Variants in CADM2 observed in about 807,000 individuals in gnomAD.
The protein encoded by CADM2 is cell adhesion molecule 2.
A neutral mutation model predicts 49.8 loss-of-function variants in CADM2; 12 were observed. The ratio of observed to expected loss-of-function variants is 0.24; its 90% confidence interval spans 0.15 to 0.39. CADM2 has a LOEUF of 0.39. CADM2 is among the 10% of genes least tolerant of loss of function. The pLI is 1.00. For missense variants in CADM2, 378 were observed against 492.3 expected, an observed-to-expected ratio of 0.77 and a Z score of 2.20; for synonymous variants, 214 against 175.4, an observed-to-expected ratio of 1.22 and a Z score of -1.74.
intron 1 of CADM2, among the ~76,000 whole-genome samples, chr3:85,311,777 A>G (rs966528428): frequency 6.6e-6 from 1 of 152,216 alleles, no homozygotes; most frequent in African/African-American, 2.4e-5. Context: ...CAAATCTCAC[A>G]ACAAAACAAG....
intron 1 of CADM2, among the ~76,000 whole-genome samples, chr3:85,065,882 A>G (rs1168690159): frequency 6.6e-6 from 1 of 152,118 alleles, no homozygotes; most frequent in African/African-American, 2.4e-5. Context: ...TTCAACAATA[A>G]CTTTCTTTAC....
chr3:85,306,803 A>C (rs1294312622), intron 1 of CADM2, among the ~76,000 whole-genome samples: 1 of 151,762 alleles, frequency 6.6e-6, no homozygotes, highest in Non-Finnish European at 1.5e-5. Flanking sequence ...TACACACACA[A>C]GGTGTTTATT....
chr3:85,114,759 T>A (rs1457684434), intron 1 of CADM2, among the ~76,000 whole-genome samples: 1 of 152,206 alleles, frequency 6.6e-6, no homozygotes, highest in Non-Finnish European at 1.5e-5. Flanking sequence ...AGTTTCATGA[T>A]ATGTGAAATC....
At chr3:86,012,382 G>A (rs747906220) in intron 8 of CADM2, among the ~76,000 whole-genome samples, 4 of 152,116 alleles carry the variant, frequency 2.6e-5, no homozygotes, top group Non-Finnish European at 5.9e-5. Context: ...TTGTCTTGTT[G>A]TCATGGTCAC....
At chr3:85,679,949 A>C (rs1277632572) in intron 1 of CADM2, among the ~76,000 whole-genome samples, 2 of 152,160 alleles carry the variant, frequency 1.3e-5, no homozygotes. Context: ...TTTATAACAC[A>C]CTGAATTATC....
chr3:85,916,764 T>C (rs1316031729), intron 6 of CADM2, among the ~76,000 whole-genome samples: 1 of 152,030 alleles, frequency 6.6e-6, no homozygotes, highest in Non-Finnish European at 1.5e-5. Context: ...TCCACAATGG[T>C]TGAACTAGTT....
At chr3:85,657,119 T>G (rs1302004319) in intron 1 of CADM2, among the ~76,000 whole-genome samples, 5 of 152,186 alleles carry the variant, frequency 3.3e-5, no homozygotes, top group Non-Finnish European at 7.4e-5. Flanking sequence ...TTTCTAAACT[T>G]TTAGCTAGCT....
At chr3:85,929,514 A>AAAAGT (rs1182951243) in intron 6 of CADM2, among the ~76,000 whole-genome samples, 2 of 152,180 alleles carry the variant, frequency 1.3e-5, no homozygotes, top group East Asian at 3.9e-4. Context: ...TGGGTCAGTA[A>AAAAGT]AAAGTGGAGT....
chr3:86,017,166 G>GTA (rs1210773331), intron 8 of CADM2, among the ~76,000 whole-genome samples: 3 of 105,116 alleles, frequency 2.9e-5, no homozygotes, highest in Non-Finnish European at 5.1e-5. Context: ...GTGTGTGTGT[G>GTA]TGTATATATA....
At chr3:85,767,640 G>A (rs1255278390) in intron 2 of CADM2, among the ~76,000 whole-genome samples, 5 of 151,890 alleles carry the variant, frequency 3.3e-5, no homozygotes, top group South Asian at 2.1e-4. Context: ...CTCCAACCAC[G>A]ACCTTCTGGC....
At chr3:85,170,022 T>C (rs1383986351) in intron 1 of CADM2, among the ~76,000 whole-genome samples, 1 of 152,150 alleles carries the variant, frequency 6.6e-6, no homozygotes, top group Non-Finnish European at 1.5e-5. Context: ...TGGTGTGGTA[T>C]GATTGTCACA....
At chr3:85,327,589 C>CACACACACACCA (rs1553709186) in intron 1 of CADM2, among the ~76,000 whole-genome samples, 1 of 115,214 alleles carries the variant, frequency 8.7e-6, no homozygotes, top group Non-Finnish European at 2.0e-5. Context: ...CACACACACA[C>CACACACACACCA]CACACACACA....
At chr3:85,219,050 C>T (rs2107788068) in intron 1 of CADM2, among the ~76,000 whole-genome samples, 1 of 152,172 alleles carries the variant, frequency 6.6e-6, no homozygotes, top group Admixed American at 6.5e-5. Context: ...AACTTGAAGA[C>T]TTATCTCAAC....
intron 6 of CADM2, among the ~76,000 whole-genome samples, chr3:85,918,324 T>A (rs1166230574): frequency 6.6e-6 from 1 of 152,182 alleles, no homozygotes; most frequent in Non-Finnish European, 1.5e-5. Flanking sequence ...TTGAGATATG[T>A]CCTATCAACA....
intron 1 of CADM2, among the ~76,000 whole-genome samples, chr3:85,368,285 T>G (rs1333001774): frequency 6.6e-6 from 1 of 152,010 alleles, no homozygotes; most frequent in East Asian, 1.9e-4. Flanking sequence ...AATTTTATCT[T>G]CAACAATAGT....
intron 1 of CADM2, among the ~76,000 whole-genome samples, chr3:85,259,485 A>G (rs1430127573): frequency 6.6e-6 from 1 of 151,928 alleles, no homozygotes; most frequent in African/African-American, 2.4e-5. Flanking sequence ...ACTGTAATTT[A>G]TTTTCTGTAA....
chr3:85,889,516 A>G (rs1026057302), intron 5 of CADM2, among the ~76,000 whole-genome samples: 2 of 152,172 alleles, frequency 1.3e-5, no homozygotes, highest in African/African-American at 4.8e-5. Flanking sequence ...CTTTGGTATG[A>G]AAAATATAAA....
intron 2 of CADM2, among the ~76,000 whole-genome samples, chr3:85,745,154 A>C (rs2068563135): frequency 6.6e-6 from 1 of 152,208 alleles, no homozygotes; most frequent in Non-Finnish European, 1.5e-5. Context: ...TTAAAAGCCC[A>C]AGCAATTTCT....
intron 1 of CADM2, among the ~76,000 whole-genome samples, chr3:85,314,286 T>C (rs1245024314): frequency 6.6e-6 from 1 of 152,310 alleles, no homozygotes; most frequent in East Asian, 1.9e-4. Flanking sequence ...TTTTTATTAA[T>C]GTACATATAG....
Sources: gnomAD v4.1 joint callset for allele counts (sites outside exome capture counted in the v4.1 genomes callset) on GRCh38, gnomAD v4.1.1 for gene constraint, MANE v1.5 for transcripts, NCBI Gene and HGNC (gene_info 2026-07-23, HGNC 2026-07-21) for gene names.